The following ANKRD28 variants were observed in gnomAD, a reference collection of about 807,000 sequenced individuals.
ANKRD28 encodes the protein ankyrin repeat domain 28.
Under a neutral mutation model 126.5 loss-of-function variants are expected in ANKRD28, and 44 were observed. That is an observed-to-expected ratio of 0.35 (90% CI 0.27 to 0.45). The LOEUF (loss-of-function observed/expected upper bound fraction) is 0.45. Among genes scored for constraint, ANKRD28 ranks in the 20% least tolerant of loss-of-function variants. The pLI, the probability that ANKRD28 is intolerant of heterozygous loss-of-function variation, is 1.00. For synonymous variants in ANKRD28, 442 were observed against 468.5 expected (o/e 0.94, Z 0.73); for missense variants, 1,110 against 1,316.6 (o/e 0.84, Z 2.43).
At position 15,815,563 on chromosome 3, in the gene ANKRD28, GC is replaced by G. The variant is rs1016993940; in HGVS notation, c.28-20258del. 3.9e-5 allele frequency among the ~76,000 whole-genome samples: 6 copies of G among 152,166 alleles called. No individual in the cohort carries two copies. Among genetic ancestry groups the G allele is most frequent in the African/African-American group, 2.4e-5 (1 of 41,422 alleles). On this transcript the variant is annotated intron_variant, in intron 1 of 27. Transcript: ENST00000399451. The surrounding 1 kb of genome is among the most constrained non-coding windows in gnomAD (Gnocchi z 4.1). ...TCCTCCTGCCTTGGCCTCCCAAAGT[GC>G]TGGGGTTACATGAGTGAGCCACTGC...
chr3:15,768,220 T>A (rs1036579569), intron 2 of ANKRD28, among the ~76,000 whole-genome samples: 8 of 152,312 alleles, frequency 5.3e-5, no homozygotes, highest in African/African-American at 1.7e-4. Context: ...AAAATTATAC[T>A]TCATTTTGTA....
intron 5 of ANKRD28, among the ~76,000 whole-genome samples, chr3:15,736,491 T>C (rs1167618373): frequency 2.0e-5 from 3 of 152,200 alleles, no homozygotes; most frequent in Admixed American, 6.5e-5. Flanking sequence ...AATGAAAGAC[T>C]AGACAAGTTG....
At chr3:15,755,751 A>G (rs574131675) in intron 3 of ANKRD28, among the ~76,000 whole-genome samples, 1 of 152,344 alleles carries the variant, frequency 6.6e-6, no homozygotes, top group African/African-American at 2.4e-5. Context: ...CATGCCCTCT[A>G]CATGGTAGAA....
intron 1 of ANKRD28, 135 bp from the exon 2 acceptor site, chr3:15,795,441 T>A (rs772621166): frequency 5.7e-6 from 3 of 521,892 alleles, no homozygotes; most frequent in Non-Finnish European, 1.0e-5. Flanking sequence ...AGAAGTTTCA[T>A]AAAACCAAAT....
rs556768204 is a variant in ANKRD28, at chr3:15,849,971, ATC to A, written c.27+9404_27+9405del. On this transcript the variant is annotated intron_variant, in intron 1 of 27. Coordinates refer to the ANKRD28 transcript ENST00000399451. The stretch of plus-strand genomic sequence containing the variant: ...AGAGGTTAAAGCAGGGTTGGAAGCG[ATC>A]TCTGACTCTGTACACTACAAACCTA... Among the ~76,000 whole-genome samples, 402 of 151,860 alleles carry A rather than the reference ATC, an allele frequency of 2.6e-3. 3 individuals are homozygous for A. The highest frequency in any genetic ancestry group is 0.01 in the Middle Eastern group (3 of 294).
At chr3:15,791,666 A>G (rs1314530601) in intron 2 of ANKRD28, among the ~76,000 whole-genome samples, 2 of 152,118 alleles carry the variant, frequency 1.3e-5, no homozygotes, top group African/African-American at 4.8e-5. Context: ...ACACTGGGGA[A>G]AATCTCCAGG....
chr3:15,837,083 G>A (rs1189853779), intron 1 of ANKRD28, among the ~76,000 whole-genome samples: 1 of 134,594 alleles, frequency 7.4e-6, no homozygotes, highest in Non-Finnish European at 1.6e-5. Flanking sequence ...CTGGGCAACA[G>A]AGCAAGACTC....
At chr3:15,857,066 TAA>T (rs918457139) in intron 1 of ANKRD28, among the ~76,000 whole-genome samples, 23 of 152,216 alleles carry the variant, frequency 1.5e-4, no homozygotes, top group African/African-American at 5.1e-4. Context: ...CGGGAAAGTT[TAA>T]GAGTATTTGC....
intron 2 of ANKRD28, among the ~76,000 whole-genome samples, chr3:15,792,681 G>A (rs899231346): frequency 3.9e-5 from 6 of 152,086 alleles, no homozygotes; most frequent in African/African-American, 9.7e-5. Context: ...TAACTTAATT[G>A]TATATTTTAA....
upstream of ANKRD28, among the ~76,000 whole-genome samples, chr3:15,800,241 T>C (rs1015449009): frequency 1.9e-4 from 29 of 152,056 alleles, 2 homozygotes; most frequent in Non-Finnish European, 7.4e-5. Flanking sequence ...CTAAGAGAAA[T>C]AGAGTAACAG....
Position 15,838,371 on chromosome 3 carries a change from A to G in ANKRD28, c.27+21006T>C, listed in dbSNP as rs2125959802. Reference sequence around the variant, plus strand: ...AGCAAACCAAATCCAGCAGCATACAATAGGAATCATACAAATTGGCTATTC... The same window carrying G: ...AGCAAACCAAATCCAGCAGCATACAGTAGGAATCATACAAATTGGCTATTC... On this transcript the variant is annotated intron_variant, in intron 1 of 27. Transcript: ENST00000399451. This position sits in a 1 kb window ranked among gnomAD's most constrained non-coding sequence, Gnocchi z 4.0. Among the ~76,000 whole-genome samples the G allele has an allele frequency of 6.6e-6, 1 of 152,316 alleles. No homozygotes were observed. Among genetic ancestry groups the G allele is most frequent in the East Asian group, 1.9e-4 (1 of 5,190 alleles).
chr3:15,778,130 T>C (rs766643140), intron 2 of ANKRD28, among the ~76,000 whole-genome samples: 7 of 152,294 alleles, frequency 4.6e-5, no homozygotes, highest in East Asian at 1.9e-4. Context: ...TAGGTGTCCA[T>C]AGCACTCTGA....
In ANKRD28 at chr3:15,846,858, A is replaced by G. The variant is rs2061541519; in HGVS notation, c.27+12519T>C. Among the ~76,000 whole-genome samples, 1 of 152,194 alleles carries G rather than the reference A, an allele frequency of 6.6e-6. No homozygotes were observed. Among genetic ancestry groups the G allele is most frequent in the South Asian group, 2.1e-4 (1 of 4,828 alleles). On this transcript the variant is annotated intron_variant, in intron 1 of 27. Coordinates refer to the ANKRD28 transcript ENST00000399451. This position sits in a 1 kb window ranked among gnomAD's most constrained non-coding sequence, Gnocchi z 5.4. ...GGTGGAAAAGAAAGACAATCTTTCA[A>G]GGGAGGTTTCTATTTGCCAGGACTA...
At chr3:15,679,639 T>A in intron 21 of ANKRD28, 76 bp from the exon 22 acceptor site, 1 of 1,155,530 alleles carries the variant, frequency 8.7e-7, no homozygotes, top group Non-Finnish European at 1.3e-6. Flanking sequence ...TGTAAGTGTT[T>A]AAAGGAAAAA....
rs1411964508 is a variant in ANKRD28, at chr3:15,797,576, G to C, written c.-1055C>G. Reference sequence around the variant, plus strand: ...TTTTCTTTAAAAAAAAAAAGGGGGGGGAAAAACATAGTAGTGTATCATTCC... The same window carrying C: ...TTTTCTTTAAAAAAAAAAAGGGGGGCGAAAAACATAGTAGTGTATCATTCC... On this transcript the variant is annotated 5_prime_UTR_variant, in exon 1 of 28. Coordinates refer to ENST00000683139, the MANE Select transcript of ANKRD28 (RefSeq NM_001349278.2). The C allele has an allele frequency of 2.0e-5, 20 of 984,796 alleles. No individual in the cohort carries two copies. The highest frequency in any genetic ancestry group is 2.4e-5 in the Non-Finnish European group (20 of 829,708). 61.0% of individuals were successfully genotyped at this position (984,796 alleles called of 1,614,324 possible). A position where few individuals can be genotyped will look rare whatever the true frequency, so the allele number is the denominator to read the frequency against.
chr3:15,851,759 A>G (rs1362016717), intron 1 of ANKRD28, among the ~76,000 whole-genome samples: 1 of 152,170 alleles, frequency 6.6e-6, no homozygotes, highest in Admixed American at 6.5e-5. Context: ...ATACAGAGTT[A>G]CCATACTACC....
chr3:15,738,427 G>C (rs985102185), intron 4 of ANKRD28: 1 of 152,230 alleles, frequency 6.6e-6, no homozygotes, highest in African/African-American at 2.4e-5. Context: ...TGGAGGCAGG[G>C]CGAGATCACA....
At chr3:15,829,758 T>C (rs1320505951) in intron 1 of ANKRD28, among the ~76,000 whole-genome samples, 1 of 152,198 alleles carries the variant, frequency 6.6e-6, no homozygotes, top group East Asian at 1.9e-4. Context: ...TTACTCAAAT[T>C]CTAATTTTGC....
chr3:15,753,725 T>C (rs571320757), intron 3 of ANKRD28, among the ~76,000 whole-genome samples: 14,544 of 152,062 alleles, frequency 0.096, 2,129 homozygotes, highest in African/African-American at 0.31. Flanking sequence ...GGCAGATTGC[T>C]TGAAGACAGG....
Sources: gnomAD v4.1 joint callset for allele counts (sites outside exome capture counted in the v4.1 genomes callset) on GRCh38, gnomAD v4.1.1 for gene constraint, Gnocchi (gnomAD v3.1) non-coding constraint, MANE v1.5 for transcripts, NCBI Gene and HGNC (gene_info 2026-07-23, HGNC 2026-07-21) for gene names.